The following SAMHD1 variants were observed in gnomAD, a reference collection of about 807,000 sequenced individuals.
The protein encoded by SAMHD1 is deoxynucleoside triphosphate triphosphohydrolase SAMHD1.
SAMHD1 carries 54 observed loss-of-function variants against 79.6 expected under a neutral mutation model. The observed-to-expected ratio is 0.68, with a 90% CI of 0.55 to 0.85. The LOEUF (loss-of-function observed/expected upper bound fraction) is 0.85, where lower values mean the gene tolerates loss of function less well. SAMHD1 is among the 40% of genes least tolerant of loss of function. The probability of loss-of-function intolerance (pLI) is 0.00; values close to 1 mark genes in which losing one functional copy is unlikely to be tolerated. For missense variants in SAMHD1, 663 were observed against 782.7 expected (o/e 0.85, Z 1.82); for synonymous variants, 260 against 264.1 (o/e 0.98, Z 0.15).
rs568781728 is a variant in SAMHD1 at position 36,934,860 on chromosome 20, G to T, written c.509+169C>A. On this transcript the variant is annotated intron_variant, in intron 4 of 15. Transcript: ENST00000646673. ...TGTAGTAAAGATGGGGTTTCACAAT[G>T]TTGGCCAGGCTGGTCTTGAACTCCT... The T allele has an allele frequency of 1.5e-5, 9 of 617,528 alleles. No homozygotes were observed. The African/African-American group carries it at 1.6e-4, about 11-fold the overall frequency. The allele number at this position is 617,528 out of a possible 1,614,324, so 38.3% of individuals were successfully genotyped here.
chr20:36,951,394 A>C, intron 1 of SAMHD1, 42 bp downstream of exon 1: 2 of 1,609,038 alleles, frequency 1.2e-6, no homozygotes, highest in South Asian at 1.1e-5. Flanking sequence ...CCCGCGCCCC[A>C]GGTCGCCGCC....
chr20:36,908,513 T>C (rs1378776352), intron 11 of SAMHD1, among the ~76,000 whole-genome samples: 2 of 152,140 alleles, frequency 1.3e-5, no homozygotes, highest in African/African-American at 4.8e-5. Flanking sequence ...GCTGGGATTA[T>C]AGGCACGAGC....
rs561627380 is a variant in SAMHD1, at chr20:36,908,802, C to T, written c.1270+2416G>A. ...CAAATAGAATCCAGCTGTGGTAGAA[C>T]GGCAGCACTCTCGGCAGGAAGCTAC... is the stretch of plus-strand genomic sequence containing the variant. On this transcript the variant is annotated intron_variant, in intron 11 of 15. Coordinates refer to ENST00000646673, the MANE Select transcript of SAMHD1 (RefSeq NM_015474.4). Among the ~76,000 whole-genome samples, 13 of 152,152 alleles carry T rather than the reference C, an allele frequency of 8.5e-5. No homozygotes were observed. The East Asian group carries it at 1.9e-3, about 23-fold the overall frequency.
At chr20:36,950,642 G>C (rs111690939) in intron 1 of SAMHD1, among the ~76,000 whole-genome samples, 2 of 152,304 alleles carry the variant, frequency 1.3e-5, no homozygotes, top group African/African-American at 2.4e-5. Flanking sequence ...TTCTCCAGGG[G>C]ATGTGGCCAA....
rs1990049823 is a variant in SAMHD1 at position 36,890,563 on chromosome 20, C to G, written c.*2369G>C. On this transcript the variant is annotated 3_prime_UTR_variant, in exon 16 of 16. Coordinates refer to ENST00000646673, the MANE Select transcript of SAMHD1 (RefSeq NM_015474.4). The stretch of plus-strand genomic sequence containing the variant: ...CACTGCAACCTCTGCCTCCCGGATT[C>G]AAGCGATTCTCCTGCCTCAGCCTCC... 1 of 152,078 alleles carries G rather than the reference C, an allele frequency of 6.6e-6. No homozygotes were observed. The highest frequency in any genetic ancestry group is 2.4e-5 in the African/African-American group (1 of 41,374). 9.4% of individuals were successfully genotyped at this position (152,078 alleles called of 1,614,324 possible).
In SAMHD1 at chr20:36,911,245, C is replaced by G; in HGVS notation, c.1243G>C (p.Asp415His). ...GTCAGCTTAGTATAGGCTTCCATGT[C>G]GTCAATTGCTGTAGAAATGCGATAC... ...KKYRISTAID[D>H]MEAYTKLTDN... Residue 415 changes from aspartate to histidine, a missense_variant, in exon 11 of 16, where the codon GAC (aspartate) becomes CAC (histidine). Asp to His is a moderately conservative substitution (Grantham distance 81, BLOSUM62 -1). Transcript: ENST00000646673. The G allele has an allele frequency of 2.5e-6, 4 of 1,612,882 alleles. No homozygotes were observed. Among genetic ancestry groups the G allele is most frequent in the Non-Finnish European group, 3.4e-6 (4 of 1,179,362 alleles).
chr20:36,941,669 A>G (rs1220062401), intron 2 of SAMHD1, among the ~76,000 whole-genome samples: 1 of 152,124 alleles, frequency 6.6e-6, no homozygotes, highest in Non-Finnish European at 1.5e-5. Flanking sequence ...TGGGCCCAGC[A>G]TATCATCCTC....
In SAMHD1 at chr20:36,930,845, G is replaced by A. The variant is rs2146132084; in HGVS notation, c.540C>T (p.His180=). Residue 180 remains histidine, a synonymous_variant, in exon 5 of 16, where the codon CAC becomes CAT. Coordinates refer to ENST00000646673, the MANE Select transcript of SAMHD1 (RefSeq NM_015474.4). ...GVGYLAGCLV[H]ALGEKQPELQ... ...GCTCTGGTTGTTTTTCACCCAGTGC[G>A]TGAACTAGACATCCTGCTAGATACC... 6 of 1,613,666 alleles carry A rather than the reference G, an allele frequency of 3.7e-6. No homozygotes were observed. Among genetic ancestry groups the A allele is most frequent in the Middle Eastern group, 1.6e-4 (1 of 6,062 alleles).
At chr20:36,900,554 A>C (rs973241594) in intron 13 of SAMHD1, among the ~76,000 whole-genome samples, 3 of 149,618 alleles carry the variant, frequency 2.0e-5, no homozygotes, top group Non-Finnish European at 4.5e-5. Context: ...CCTAGTTAAC[A>C]GTAATCTATT....
Position 36,921,607 on chromosome 20 carries a change from C to G in SAMHD1, c.697-2088G>C, listed in dbSNP as rs185924637. Among the ~76,000 whole-genome samples the G allele has an allele frequency of 1.9e-3, 285 of 151,714 alleles. 1 individual carries two copies. Among genetic ancestry groups the G allele is most frequent in the African/African-American group, 6.4e-3 (265 of 41,378 alleles). On this transcript the variant is annotated intron_variant, in intron 6 of 15. Transcript: ENST00000646673. ...TGATTTTTTTGGAGACAGAGTCTAGCTCTGTCACCTCCTGGGCTCCCGGGC... is the reference window on the plus strand; with the variant it reads ...TGATTTTTTTGGAGACAGAGTCTAGGTCTGTCACCTCCTGGGCTCCCGGGC...
intron 15 of SAMHD1, among the ~76,000 whole-genome samples, chr20:36,894,650 C>A (rs1990164622): frequency 6.6e-6 from 1 of 151,558 alleles, no homozygotes; most frequent in South Asian, 2.1e-4. Flanking sequence ...GCCTGTAGTC[C>A]CAGCTACTCA....
intron 3 of SAMHD1, among the ~76,000 whole-genome samples, chr20:36,938,669 T>A (rs1355574139): frequency 1.3e-5 from 2 of 151,762 alleles, no homozygotes; most frequent in Non-Finnish European, 2.9e-5. Context: ...ACCCCATCTC[T>A]ACTAAAAATA....
intron 3 of SAMHD1, among the ~76,000 whole-genome samples, chr20:36,938,192 T>C (rs1601147066): frequency 6.6e-6 from 1 of 151,790 alleles, no homozygotes; most frequent in Non-Finnish European, 1.5e-5. Context: ...TACAGAAAAA[T>C]AGAAAGAATA....
intron 6 of SAMHD1, among the ~76,000 whole-genome samples, chr20:36,922,770 C>T (rs977350496): frequency 6.6e-6 from 1 of 151,986 alleles, no homozygotes; most frequent in Non-Finnish European, 1.5e-5. Context: ...GCAGCCTCGA[C>T]CTCCCAGGCT....
chr20:36,935,166 G>A lies in SAMHD1; in HGVS notation c.372C>T (p.Gly124=). 6.2e-7 allele frequency: 1 copy of A among 1,613,264 alleles called. No individual in the cohort carries two copies. The highest frequency in any genetic ancestry group is 8.5e-7 in the Non-Finnish European group (1 of 1,179,246). The change falls in exon 4 of 16, where the codon GGC becomes GGT. Residue 124 remains glycine (G), a synonymous_variant. Coordinates refer to ENST00000646673, the MANE Select transcript of SAMHD1 (RefSeq NM_015474.4). ...CGAGGAGAGGGTGGAGCTCAATGTG[G>A]CCATGGATAGGATCATTAATTACCT... ...TMKVINDPIH[G]HIELHPLLVR... is the part of the protein sequence containing the mutation.
rs1037637153 is a variant in SAMHD1 at position 36,907,235 on chromosome 20, C to T, written c.1271-1732G>A. Among the ~76,000 whole-genome samples, 7 of 151,564 alleles carry T rather than the reference C, an allele frequency of 4.6e-5. 1 individual carries two copies. The highest frequency in any genetic ancestry group is 1.7e-4 in the African/African-American group (7 of 41,020). ...GCCCTTGAGCAGCTGTGACTACAGA[C>T]GTACACCACCATGCCTGGCTAAATT... On this transcript the variant is annotated intron_variant, in intron 11 of 15. Coordinates refer to ENST00000646673, the MANE Select transcript of SAMHD1 (RefSeq NM_015474.4).
rs1237593525 is a variant in SAMHD1, at chr20:36,916,758, T to C, written c.1026A>G (p.Glu342=). 3 of 1,613,956 alleles carry C rather than the reference T, an allele frequency of 1.9e-6. No homozygotes were observed. The highest frequency in any genetic ancestry group is 2.5e-6 in the Non-Finnish European group (3 of 1,179,856). The change falls in exon 9 of 16, where the codon GAA becomes GAG. Residue 342 remains glutamate, a synonymous_variant. Coordinates refer to ENST00000646673, the MANE Select transcript of SAMHD1 (RefSeq NM_015474.4). The part of the protein sequence containing the change: ...KRFIKFARVC[E]VDNELRICAR... Reference sequence around the variant, plus strand: ...CACAAATACGCAACTCATTGTCTACTTCACAGACACGGGCAAACTTAATAA... The same window carrying C: ...CACAAATACGCAACTCATTGTCTACCTCACAGACACGGGCAAACTTAATAA...
intron 2 of SAMHD1, among the ~76,000 whole-genome samples, chr20:36,946,056 G>A (rs181020664): frequency 2.6e-4 from 40 of 152,106 alleles, no homozygotes; most frequent in African/African-American, 9.6e-4. Context: ...GCCGAGGCAA[G>A]CGGATCACTT....
At chr20:36,897,725 ATAAC>A (rs1212925405) in intron 15 of SAMHD1, 93 bp downstream of exon 15, 1 of 1,353,642 alleles carries the variant, frequency 7.4e-7, no homozygotes, top group Non-Finnish European at 1.1e-6. Context: ...CCAAATGACT[ATAAC>A]TTAAATGGGA....
Sources: allele counts gnomAD v4.1 joint callset (sites outside exome capture counted in the v4.1 genomes callset), GRCh38; gene constraint gnomAD v4.1.1; transcripts MANE v1.5; gene names NCBI Gene and HGNC (gene_info 2026-07-23, HGNC 2026-07-21).